The following RNF130 variants were observed in gnomAD, a reference collection of about 807,000 sequenced individuals.
The protein encoded by RNF130 is ring finger protein 130, also known as E3 ubiquitin-protein ligase RNF130.
RNF130 carries 21 observed loss-of-function variants against 44.6 expected under a neutral mutation model. That is an observed-to-expected ratio of 0.47 (90% CI 0.33 to 0.68). The LOEUF (loss-of-function observed/expected upper bound fraction) is 0.68. Ranked by LOEUF, RNF130 falls within the 30% of genes least tolerant of loss-of-function variation. RNF130 has a pLI of 0.02. For synonymous variants in RNF130, 214 were observed against 210.4 expected (o/e 1.02, Z -0.15); for missense variants, 479 against 560.6 (o/e 0.85, Z 1.47).
chr5:179,930,264 G>T (rs1761789847), intron 7 of RNF130, among the ~76,000 whole-genome samples: 1 of 152,054 alleles, frequency 6.6e-6, no homozygotes, highest in African/African-American at 2.4e-5. Flanking sequence ...CACCACGTTG[G>T]TCAGGCTGAT....
chr5:180,048,595 G>A (rs182820222), intron 1 of RNF130, among the ~76,000 whole-genome samples: 195 of 152,212 alleles, frequency 1.3e-3, no homozygotes, highest in African/African-American at 4.4e-3. Context: ...CTGGGATGGC[G>A]CCACTGCACT....
chr5:179,917,726 G>C (rs976827855), exon 8 of RNF130: 1 of 152,236 alleles, frequency 6.6e-6, no homozygotes, highest in Non-Finnish European at 1.5e-5. Flanking sequence ...TCTTGGCTGG[G>C]CATGGTGGCT....
exon 8 of RNF130, chr5:179,913,242 C>T (rs1235408182): frequency 1.3e-5 from 2 of 152,292 alleles, no homozygotes; most frequent in Non-Finnish European, 2.9e-5. Context: ...TTTTGTGGTA[C>T]AGAGAGGAGG....
intron 2 of RNF130, among the ~76,000 whole-genome samples, chr5:180,014,779 A>G (rs1264060291): frequency 1.3e-5 from 2 of 152,168 alleles, no homozygotes; most frequent in African/African-American, 4.8e-5. Context: ...TGAGCTCAGG[A>G]GTCCAAGACC....
intron 2 of RNF130, among the ~76,000 whole-genome samples, chr5:180,024,595 T>C (rs1436989619): frequency 2.0e-5 from 3 of 152,030 alleles, no homozygotes; most frequent in Non-Finnish European, 4.4e-5. Flanking sequence ...TGAAAAATGA[T>C]GGCCAAAAAA....
intron 7 of RNF130, among the ~76,000 whole-genome samples, chr5:179,924,655 G>A (rs892335229): frequency 6.6e-6 from 1 of 152,152 alleles, no homozygotes; most frequent in African/African-American, 2.4e-5. Context: ...CAGGCATGGT[G>A]GCGGGTGCCT....
intron 2 of RNF130, among the ~76,000 whole-genome samples, chr5:180,035,701 G>A (rs1764233624): frequency 6.6e-6 from 1 of 152,168 alleles, no homozygotes. Flanking sequence ...TGGTGTGTCT[G>A]ACAGTGTCCC....
At chr5:179,923,280 C>T (rs539832444) in intron 7 of RNF130, among the ~76,000 whole-genome samples, 1 of 151,908 alleles carries the variant, frequency 6.6e-6, no homozygotes, top group Non-Finnish European at 1.5e-5. Context: ...GTTCCGTCGT[C>T]GATTGTTTAA....
At chr5:179,937,933 TGAGAGA>T (rs3078901) in intron 7 of RNF130, among the ~76,000 whole-genome samples, 1,236 of 116,194 alleles carry the variant, frequency 0.011, 11 homozygotes, top group Middle Eastern at 0.023. Flanking sequence ...TGTGTGTGTG[TGAGAGA>T]GAGAGAGAGA....
At chr5:180,023,297 A>C (rs1280254167) in intron 2 of RNF130, among the ~76,000 whole-genome samples, 1 of 152,244 alleles carries the variant, frequency 6.6e-6, no homozygotes, top group Non-Finnish European at 1.5e-5. Flanking sequence ...TCAGCTGAGA[A>C]GGCCCAGAAG....
chr5:179,951,269 C>T (rs1431051715), downstream of RNF130, among the ~76,000 whole-genome samples: 1 of 152,210 alleles, frequency 6.6e-6, no homozygotes, highest in Non-Finnish European at 1.5e-5. Flanking sequence ...ACAATACTCA[C>T]TTCCAACAAA....
intron 1 of RNF130, among the ~76,000 whole-genome samples, chr5:180,061,578 C>A (rs1764987619): frequency 1.3e-5 from 2 of 152,306 alleles, no homozygotes; most frequent in African/African-American, 4.8e-5. Context: ...TGCTAGCCAT[C>A]CTTTGCACCC....
chr5:179,961,984 T>G, intron 8 of RNF130, among the ~76,000 whole-genome samples: 1 of 152,340 alleles, frequency 6.6e-6, no homozygotes, highest in South Asian at 2.1e-4. Context: ...TGCGATATGG[T>G]CCTAGCATTA....
intron 8 of RNF130, among the ~76,000 whole-genome samples, chr5:179,957,881 CTTT>C (rs35629659): frequency 2.1e-5 from 3 of 143,032 alleles, no homozygotes; most frequent in Non-Finnish European, 3.1e-5. Flanking sequence ...ATTCAAAATT[CTTT>C]TTTTTTTTTT....
intron 3 of RNF130, among the ~76,000 whole-genome samples, chr5:180,000,144 C>G (rs192059148): frequency 1.3e-5 from 2 of 152,220 alleles, no homozygotes; most frequent in African/African-American, 4.8e-5. Flanking sequence ...ACTATTTCAC[C>G]CCCATTTCTG....
chr5:179,926,189 G>A lies in RNF130; in HGVS notation c.1151-5763C>T, dbSNP rs1338798645. On this transcript the variant is annotated intron_variant, in intron 7 of 7. Coordinates refer to the RNF130 transcript ENST00000522208. Reference sequence around the variant, plus strand: ...CGACTAGTGCCTGTCAGTGAACTACGTAAACTCCAGTCATACAGGCAAGAG... The same window carrying A: ...CGACTAGTGCCTGTCAGTGAACTACATAAACTCCAGTCATACAGGCAAGAG... Among the ~76,000 whole-genome samples the A allele has an allele frequency of 2.6e-5, 4 of 152,140 alleles. No individual in the cohort carries two copies. In the East Asian group the frequency reaches 5.8e-4, roughly 22 times the overall value.
chr5:180,054,612 A>G (rs951663302), intron 1 of RNF130, among the ~76,000 whole-genome samples: 2 of 152,202 alleles, frequency 1.3e-5, no homozygotes, highest in Non-Finnish European at 2.9e-5. Flanking sequence ...CCATGTCTCT[A>G]TCAGTACCAC....
chr5:180,044,837 A>T (rs1764519817), intron 1 of RNF130, among the ~76,000 whole-genome samples: 2 of 152,018 alleles, frequency 1.3e-5, no homozygotes, highest in African/African-American at 2.4e-5. Context: ...GTCTCAAAAA[A>T]AAAAAATAAA....
chr5:180,015,469 G>A (rs1386933738), intron 2 of RNF130: 33 of 405,174 alleles, frequency 8.1e-5, no homozygotes, highest in Non-Finnish European at 6.7e-5. Flanking sequence ...AAGGAGTAGG[G>A]AAAGGAGTAG....
Sources: gnomAD v4.1 joint callset for allele counts (sites outside exome capture counted in the v4.1 genomes callset) on GRCh38, gnomAD v4.1.1 for gene constraint, MANE v1.5 for transcripts, NCBI Gene and HGNC (gene_info 2026-07-23, HGNC 2026-07-21) for gene names.